Variants in HDAC9 observed in about 807,000 individuals in gnomAD.
HDAC9 encodes histone deacetylase 9.
HDAC9 carries 41 observed loss-of-function variants against 139.4 expected under a neutral mutation model. The observed-to-expected ratio is 0.29, with a 90% CI of 0.23 to 0.38. The LOEUF is 0.38. HDAC9 is among the 10% of genes least tolerant of loss of function. The pLI is 1.00. For synonymous variants in HDAC9, 517 were observed against 476.2 expected (o/e 1.09, Z -1.12); for missense variants, 1,147 against 1,297.0 (o/e 0.88, Z 1.78).
chr7:18,838,501 T>G (rs1796380146), intron 21 of HDAC9, among the ~76,000 whole-genome samples: 2 of 151,940 alleles, frequency 1.3e-5, no homozygotes, highest in African/African-American at 4.8e-5. Context: ...CTCAAGGACA[T>G]GAGGTGGGAT....
intron 12 of HDAC9, among the ~76,000 whole-genome samples, chr7:18,717,359 A>G (rs1354869401): frequency 6.6e-6 from 1 of 151,930 alleles, no homozygotes; most frequent in Non-Finnish European, 1.5e-5. Context: ...TTTGTTAAAG[A>G]TACCCTCTAC....
chr7:18,314,433 A>G (rs1159982818), intron 1 of HDAC9, among the ~76,000 whole-genome samples: 1 of 152,234 alleles, frequency 6.6e-6, no homozygotes, highest in Non-Finnish European at 1.5e-5. Context: ...CAGTGTGAGA[A>G]TCCTGCTATT....
intron 21 of HDAC9, among the ~76,000 whole-genome samples, chr7:18,854,812 T>C (rs1477297957): frequency 6.6e-6 from 1 of 152,132 alleles, no homozygotes; most frequent in East Asian, 1.9e-4. Context: ...TTTCAATAAA[T>C]GCTAAAATTT....
At chr7:18,950,174 T>A (rs982062155) in intron 23 of HDAC9, among the ~76,000 whole-genome samples, 2 of 152,212 alleles carry the variant, frequency 1.3e-5, no homozygotes, top group Middle Eastern at 3.4e-3. Flanking sequence ...TATTGCTTTT[T>A]CTTCCGCTCA....
At chr7:18,989,466 T>C (rs899617046) in intron 25 of HDAC9, among the ~76,000 whole-genome samples, 3 of 151,224 alleles carry the variant, frequency 2.0e-5, no homozygotes, top group Admixed American at 2.0e-4. Flanking sequence ...ACCCGACCTT[T>C]CTCTCTGGCT....
At chr7:18,704,229 G>A (rs954640757) in intron 12 of HDAC9, among the ~76,000 whole-genome samples, 8 of 152,250 alleles carry the variant, frequency 5.3e-5, no homozygotes, top group South Asian at 2.1e-4. Context: ...AGAAAGTATC[G>A]GATTCACCAA....
chr7:18,727,307 C>A (rs1358987502), intron 12 of HDAC9, among the ~76,000 whole-genome samples: 3 of 152,208 alleles, frequency 2.0e-5, no homozygotes, highest in African/African-American at 7.2e-5. Flanking sequence ...AGGTCTGTTT[C>A]TTTCAATCAG....
chr7:18,703,972 T>C (rs1286180557), intron 12 of HDAC9, among the ~76,000 whole-genome samples: 4 of 152,206 alleles, frequency 2.6e-5, no homozygotes, highest in African/African-American at 9.6e-5. Context: ...TTGTCCTGCC[T>C]TGACTAATGT....
intron 2 of HDAC9, among the ~76,000 whole-genome samples, chr7:18,501,957 G>C (rs1798501943): frequency 6.6e-6 from 1 of 152,174 alleles, no homozygotes; most frequent in Admixed American, 6.5e-5. Flanking sequence ...GTAGTTGGGT[G>C]GTTAGGCAGC....
intron 1 of HDAC9, among the ~76,000 whole-genome samples, chr7:18,322,573 A>T (rs1172621947): frequency 6.6e-6 from 1 of 152,184 alleles, no homozygotes; most frequent in East Asian, 1.9e-4. Flanking sequence ...AAAGGATCTA[A>T]TTCTATAGAC....
At chr7:18,691,589 A>G (rs1253353199) in intron 12 of HDAC9, among the ~76,000 whole-genome samples, 1 of 152,144 alleles carries the variant, frequency 6.6e-6, no homozygotes, top group East Asian at 1.9e-4. Flanking sequence ...CTGTAACATG[A>G]ATGTTGACCT....
At chr7:18,703,877 C>T (rs1295181803) in intron 12 of HDAC9, among the ~76,000 whole-genome samples, 1 of 152,114 alleles carries the variant, frequency 6.6e-6, no homozygotes, top group Non-Finnish European at 1.5e-5. Context: ...TTCACCACAA[C>T]ACAGGCACAC....
intron 11 of HDAC9, among the ~76,000 whole-genome samples, chr7:18,657,411 A>G (rs767947078): frequency 3.3e-5 from 5 of 152,118 alleles, no homozygotes; most frequent in African/African-American, 9.7e-5. Context: ...CAAATCATCA[A>G]TGATTAGCAA....
intron 1 of HDAC9, among the ~76,000 whole-genome samples, chr7:18,372,076 C>T (rs1784635802): frequency 6.6e-6 from 1 of 152,208 alleles, no homozygotes; most frequent in Non-Finnish European, 1.5e-5. Context: ...TTCATGGAAG[C>T]TGAATGAGCT....
chr7:18,319,460 A>C (rs1468435421), intron 1 of HDAC9, among the ~76,000 whole-genome samples: 1 of 152,222 alleles, frequency 6.6e-6, no homozygotes, highest in Non-Finnish European at 1.5e-5. Flanking sequence ...AATATTTGGA[A>C]ACTATGTTAT....
At chr7:18,751,300 A>G (rs1788425222) in intron 14 of HDAC9, among the ~76,000 whole-genome samples, 1 of 152,126 alleles carries the variant, frequency 6.6e-6, no homozygotes, top group African/African-American at 2.4e-5. Flanking sequence ...ACTTAATCAC[A>G]AAATTAACAA....
intron 22 of HDAC9, among the ~76,000 whole-genome samples, chr7:18,912,380 A>G (rs1406444591): frequency 2.6e-5 from 4 of 152,118 alleles, no homozygotes; most frequent in South Asian, 2.1e-4. Flanking sequence ...GAAAACTATA[A>G]AAGTATCCAA....
chr7:18,665,585 G>A (rs1457247740), intron 11 of HDAC9, among the ~76,000 whole-genome samples: 1 of 151,900 alleles, frequency 6.6e-6, no homozygotes, highest in Non-Finnish European at 1.5e-5. Context: ...TTCCATTTGA[G>A]TCTGTTCATA....
chr7:18,392,422 T>G (rs1198559425), intron 1 of HDAC9, among the ~76,000 whole-genome samples: 1 of 151,466 alleles, frequency 6.6e-6, no homozygotes, highest in Non-Finnish European at 1.5e-5. Context: ...GATAGATAGA[T>G]AGATAGATAG....
Sources: allele counts gnomAD v4.1 joint callset (sites outside exome capture counted in the v4.1 genomes callset), GRCh38; gene constraint gnomAD v4.1.1; transcripts MANE v1.5; gene names NCBI Gene and HGNC (gene_info 2026-07-23, HGNC 2026-07-21).